The following ENO4 variants were observed in gnomAD, a reference collection of about 807,000 sequenced individuals.
ENO4 encodes the protein 2-phospho-D-glycerate hydro-lyase.
In ENO4, 53 loss-of-function variants were observed where a neutral mutation model predicts 63.2. The ratio of observed to expected loss-of-function variants is 0.84; its 90% CI spans 0.67 to 1.05. The LOEUF is 1.05. ENO4 is among the 50% of genes least tolerant of loss of function. The probability of loss-of-function intolerance (pLI) is 0.00; values close to 1 mark genes in which losing one functional copy is unlikely to be tolerated. For synonymous variants in ENO4, 266 were observed against 283.8 expected (o/e 0.94, Z 0.63); for missense variants, 719 against 772.0 (o/e 0.93, Z 0.81).
intron 9 of ENO4, among the ~76,000 whole-genome samples, chr10:116,871,757 T>C (rs1034566986): frequency 6.6e-6 from 1 of 152,212 alleles, no homozygotes; most frequent in African/African-American, 2.4e-5. Context: ...ATGAAGAAGA[T>C]GTTTTTGTCC....
downstream of ENO4, chr10:116,886,596 T>TA (rs149273896): frequency 1.9e-3 from 3,044 of 1,609,770 alleles, 69 homozygotes; most frequent in East Asian, 0.049. Context: ...ACAAAAAAAG[T>TA]AAAAAGCAGA....
chr10:116,894,523 T>C (rs1231456473), intron 10 of ENO4, among the ~76,000 whole-genome samples: 25 of 152,184 alleles, frequency 1.6e-4, no homozygotes, highest in Admixed American at 1.6e-3. Context: ...AAATGTTAAC[T>C]TGAAGAATCT....
In ENO4 at chr10:116,856,513, T is replaced by A; in HGVS notation, c.316T>A (p.Ser106Thr). The change falls in exon 3 of 14, where the codon TCG (serine) becomes ACG (threonine). Residue 106 changes from serine to threonine, a missense_variant. Physicochemically the swap from Ser to Thr is moderately conservative, Grantham distance 58 (BLOSUM62 1). Coordinates refer to ENST00000341276, the MANE Select transcript of ENO4 (RefSeq NM_001242699.2). ...FPKNVCSVVISTHFEVHENAL... is the reference protein window; with the variant it reads ...FPKNVCSVVITTHFEVHENAL... Reference sequence around the variant, plus strand: ...TCAGAACGTATGTTCTGTGGTGATCTCGACTCATTTTGAAGTCCATGAGAA... The same window carrying A: ...TCAGAACGTATGTTCTGTGGTGATCACGACTCATTTTGAAGTCCATGAGAA... The A allele has an allele frequency of 6.5e-7, 1 of 1,536,130 alleles. No individual in the cohort carries two copies. The highest frequency in any genetic ancestry group is 8.7e-7 in the Non-Finnish European group (1 of 1,146,910).
chr10:116,892,094 A>G, intron 10 of ENO4, among the ~76,000 whole-genome samples: 1 of 152,312 alleles, frequency 6.6e-6, no homozygotes, highest in African/African-American at 2.4e-5. Context: ...GGCTGGGCAA[A>G]GATCTATGTC....
At chr10:116,878,272 G>A (rs562566321) in intron 11 of ENO4, among the ~76,000 whole-genome samples, 86 of 152,338 alleles carry the variant, frequency 5.6e-4, no homozygotes, top group Non-Finnish European at 1.0e-3. Flanking sequence ...GCAGAACTCA[G>A]AGCCAGACTG....
intron 11 of ENO4, among the ~76,000 whole-genome samples, chr10:116,878,749 T>TTTTC (rs1183606908): frequency 6.9e-6 from 1 of 145,052 alleles, no homozygotes; most frequent in Non-Finnish European, 1.5e-5. Flanking sequence ...TATCTTTTTT[T>TTTTC]TTTTTTTTTT....
chr10:116,892,823 C>T (rs1197995137), intron 10 of ENO4, among the ~76,000 whole-genome samples: 4 of 152,100 alleles, frequency 2.6e-5, no homozygotes, highest in African/African-American at 9.7e-5. Flanking sequence ...AATAAAAAAA[C>T]CTCCCCTCTA....
rs537794493 is a variant in ENO4, at chr10:116,849,513, G to A, written c.-54G>A. On this transcript the variant is annotated 5_prime_UTR_variant, in exon 1 of 14. Coordinates refer to ENST00000341276, the MANE Select transcript of ENO4 (RefSeq NM_001242699.2). ...CACGTTGCGTTGCCTAGCGACAGCA[G>A]GGACGCTCGTGGGACCCCAGGCTAA... 1.1e-3 allele frequency: 1,667 copies of A among 1,453,664 alleles called. 37 individuals carry two copies. The South Asian group carries it at 0.023, about 20-fold the overall frequency. 90.0% of individuals were successfully genotyped at this position (1,453,664 alleles called of 1,614,324 possible). A position where few individuals can be genotyped will look rare whatever the true frequency, so the allele number is the denominator to read the frequency against.
At chr10:116,872,254 A>G (rs947981404) in intron 9 of ENO4, among the ~76,000 whole-genome samples, 1 of 152,174 alleles carries the variant, frequency 6.6e-6, no homozygotes, top group East Asian at 1.9e-4. Flanking sequence ...TACAACGGCA[A>G]TTTACCTTTA....
chr10:116,862,745 T>C (rs745997150), intron 6 of ENO4, 54 bp from the exon 7 acceptor site: 1 of 1,358,244 alleles, frequency 7.4e-7, no homozygotes, highest in African/African-American at 1.4e-5. Flanking sequence ...TAAGTTTTTA[T>C]ACTTAAATTT....
intron 10 of ENO4, among the ~76,000 whole-genome samples, chr10:116,874,700 T>C (rs2133275694): frequency 6.6e-6 from 1 of 152,274 alleles, no homozygotes; most frequent in Admixed American, 6.5e-5. Flanking sequence ...TGAGACAGGG[T>C]CTCACTCTGT....
At chr10:116,853,175 G>T (rs1846137755) in intron 1 of ENO4, among the ~76,000 whole-genome samples, 1 of 151,638 alleles carries the variant, frequency 6.6e-6, no homozygotes, top group South Asian at 2.1e-4. Flanking sequence ...GGCGACTGTA[G>T]TCCCAGCTAC....
chr10:116,911,701 C>T, exon 11 of ENO4: 4 of 1,577,268 alleles, frequency 2.5e-6, no homozygotes, highest in East Asian at 2.2e-5. Flanking sequence ...GAATAAAACA[C>T]ACCACAAACA....
chr10:116,880,063 T>C, intron 13 of ENO4, 77 bp downstream of exon 13: 1 of 1,160,726 alleles, frequency 8.6e-7, no homozygotes, highest in Admixed American at 2.2e-5. Context: ...GGAATAGAAG[T>C]CCCTCTGCAG....
intron 10 of ENO4, chr10:116,900,328 T>C: frequency 1.7e-6 from 1 of 574,272 alleles, no homozygotes; most frequent in Non-Finnish European, 3.1e-6. Flanking sequence ...AGATGAGAAA[T>C]AAATTGAGCT....
At chr10:116,887,022 G>A (rs143255287), downstream of ENO4, among the ~76,000 whole-genome samples, 247 of 152,174 alleles carry the variant, frequency 1.6e-3, no homozygotes, top group Middle Eastern at 6.8e-3. Context: ...AGGGACAAGG[G>A]GAGTAATCAC....
intron 10 of ENO4, among the ~76,000 whole-genome samples, chr10:116,888,554 C>G (rs1389090381): frequency 6.6e-6 from 1 of 152,194 alleles, no homozygotes; most frequent in Non-Finnish European, 1.5e-5. Flanking sequence ...GCACCTATCT[C>G]TCTCTCACAA....
chr10:116,893,882 C>T (rs147776980), intron 10 of ENO4, among the ~76,000 whole-genome samples: 2 of 152,226 alleles, frequency 1.3e-5, no homozygotes, highest in African/African-American at 4.8e-5. Context: ...AGCTCATAAT[C>T]TTTCATAGGA....
Position 116,855,659 on chromosome 10 carries a change from A to G in ENO4, c.202A>G (p.Ile68Val), listed in dbSNP as rs1288567606. 6.5e-7 allele frequency: 1 copy of G among 1,536,192 alleles called. No homozygotes were observed. The highest frequency in any genetic ancestry group is 1.4e-5 in the African/African-American group (1 of 73,014). ...TTCTAAACTTGCAAAGCCTCCCACC[A>G]TATGCAAAATAGTGGGGAAAGACGT... ...CFSKLAKPPT[I>V]CKIVGKDVLD... Residue 68 changes from isoleucine (I) to valine (V), a missense_variant, in exon 2 of 14, where the codon ATA (isoleucine) becomes GTA (valine). Ile to Val is a conservative substitution (Grantham distance 29). This residue lies in a region of ENO4 where 544 missense variants were observed against 583.6 expected (regional missense o/e 0.93). Coordinates refer to ENST00000341276, the MANE Select transcript of ENO4 (RefSeq NM_001242699.2).
Sources: allele counts gnomAD v4.1 joint callset (sites outside exome capture counted in the v4.1 genomes callset), GRCh38; gene constraint gnomAD v4.1.1; regional missense constraint gnomAD v4.1.1; transcripts MANE v1.5; gene names NCBI Gene and HGNC (gene_info 2026-07-23, HGNC 2026-07-21).